The following PITPNM2 variants were observed in gnomAD, a reference collection of about 807,000 sequenced individuals.
PITPNM2 encodes the protein membrane-associated phosphatidylinositol transfer protein 2.
In PITPNM2, 35 loss-of-function variants were observed where a neutral mutation model predicts 132.2. The observed-to-expected ratio is 0.26, with a 90% CI of 0.20 to 0.35. The LOEUF (loss-of-function observed/expected upper bound fraction) is 0.35, where lower values mean the gene tolerates loss of function less well. PITPNM2 is among the 10% of genes least tolerant of loss of function. The pLI is 1.00. For synonymous variants in PITPNM2, 738 were observed against 799.2 expected, an observed-to-expected ratio of 0.92 and a Z score of 1.29; for missense variants, 1,332 against 1,912.0, an observed-to-expected ratio of 0.70 and a Z score of 5.66.
Position 122,997,380 on chromosome 12 carries a change from T to C in PITPNM2, c.1417A>G (p.Ile473Val), listed in dbSNP as rs778079552. 50 of 1,613,268 alleles carry C rather than the reference T, an allele frequency of 3.1e-5. No homozygotes were observed. Among genetic ancestry groups the C allele is most frequent in the Middle Eastern group, 1.6e-4 (1 of 6,070 alleles). ...HYPSALGRLA[I>V]RLVPCPPVCS... ...ACGGGCGGGCAGGGCACCAGGCGGATGGCAAGGCGGCCCAGGGCGCTGGGG... is the reference window on the plus strand; with the variant it reads ...ACGGGCGGGCAGGGCACCAGGCGGACGGCAAGGCGGCCCAGGGCGCTGGGG... The change falls in exon 11 of 26, where the codon ATC becomes GTC. Residue 473 changes from isoleucine to valine, a missense_variant. Around this residue, in one of 6 missense-constraint regions of PITPNM2, gnomAD observed 710 missense variants for 911.5 expected, o/e 0.78. Transcript: ENST00000320201.
chr12:123,123,091 C>T (rs188265090), intron 1 of PITPNM2, among the ~76,000 whole-genome samples: 2 of 152,342 alleles, frequency 1.3e-5, no homozygotes, highest in East Asian at 1.9e-4. Context: ...ATGCCTGCTA[C>T]AGCACTGTTT....
chr12:123,137,493 ACAGCTCATAAAGC>A (rs1220554200), intron 1 of PITPNM2, among the ~76,000 whole-genome samples: 1 of 152,096 alleles, frequency 6.6e-6, no homozygotes, highest in Non-Finnish European at 1.5e-5. Flanking sequence ...AGTGTACTTG[ACAGCTCATAAAGC>A]CACCCTCCCA....
At chr12:123,014,889 A>G (rs957871653) in intron 3 of PITPNM2, among the ~76,000 whole-genome samples, 16 of 152,222 alleles carry the variant, frequency 1.1e-4, no homozygotes, top group African/African-American at 3.9e-4. Context: ...ACAAAATGAC[A>G]CATAGAAATG....
chr12:123,058,117 C>T lies in PITPNM2; in HGVS notation c.-95-23432G>A, dbSNP rs73411082. ...TACGAACCCACGTTCTTCACTTCTT[C>T]TTTTTGGGCATTTTGTCGGAAGGAT... On this transcript the variant is annotated intron_variant, in intron 2 of 25. Coordinates refer to ENST00000320201, the MANE Select transcript of PITPNM2 (RefSeq NM_020845.3). This position sits in a 1 kb window ranked among gnomAD's most constrained non-coding sequence, Gnocchi z 4.0. Among the ~76,000 whole-genome samples, 991 of 152,330 alleles carry T rather than the reference C, an allele frequency of 6.5e-3. 14 individuals carry two copies. Among genetic ancestry groups the T allele is most frequent in the African/African-American group, 0.022 (935 of 41,566 alleles).
intron 2 of PITPNM2, among the ~76,000 whole-genome samples, chr12:123,059,826 G>C (rs1160928724): frequency 6.6e-6 from 1 of 152,158 alleles, no homozygotes; most frequent in Non-Finnish European, 1.5e-5. Flanking sequence ...GGAGGAATGG[G>C]AAGTGACTGC....
chr12:123,103,213 C>G (rs1480167766), intron 2 of PITPNM2, among the ~76,000 whole-genome samples: 1 of 152,210 alleles, frequency 6.6e-6, no homozygotes, highest in African/African-American at 2.4e-5. Context: ...GATCCCTGAT[C>G]TTGGCCATTT....
chr12:123,024,828 G>A (rs965484266), intron 3 of PITPNM2, among the ~76,000 whole-genome samples: 6 of 152,080 alleles, frequency 3.9e-5, no homozygotes, highest in South Asian at 2.1e-4. Context: ...TTCTGGTGAC[G>A]GTTGTACAAC....
Position 123,008,959 on chromosome 12 carries a change from A to G in PITPNM2, c.643+891T>C, listed in dbSNP as rs568272223. ...TGATGCTAAGAACAGGAGGATGTTA[A>G]TTCAGGACAAGGGTGGCTGGGATGG... On this transcript the variant is annotated intron_variant, in intron 6 of 25. Coordinates refer to ENST00000320201, the MANE Select transcript of PITPNM2 (RefSeq NM_020845.3). The surrounding 1 kb of genome is among the most constrained non-coding windows in gnomAD (Gnocchi z 4.1). 9.2e-5 allele frequency among the ~76,000 whole-genome samples: 14 copies of G among 152,308 alleles called. No homozygotes were observed. The highest frequency in any genetic ancestry group is 3.4e-4 in the African/African-American group (14 of 41,558).
intron 5 of PITPNM2, among the ~76,000 whole-genome samples, 157 bp downstream of exon 5, chr12:123,012,456 C>G (rs925523451): frequency 2.6e-5 from 4 of 152,210 alleles, no homozygotes; most frequent in Non-Finnish European, 5.9e-5. Flanking sequence ...CCCTGCCTCC[C>G]CCATGGGCCC....
At chr12:123,084,834 T>A (rs2042066688) in intron 2 of PITPNM2, 1 of 152,232 alleles carries the variant, frequency 6.6e-6, no homozygotes, top group East Asian at 1.9e-4. Flanking sequence ...TCAGAGACCA[T>A]GTGACCTGTC....
intron 1 of PITPNM2, among the ~76,000 whole-genome samples, chr12:123,140,036 C>T (rs1224094828): frequency 6.6e-6 from 1 of 152,176 alleles, no homozygotes; most frequent in Non-Finnish European, 1.5e-5. Context: ...CTGGGACACC[C>T]AGGTCCTGGG....
chr12:123,018,896 G>T (rs1338083930), intron 3 of PITPNM2, among the ~76,000 whole-genome samples: 1 of 147,814 alleles, frequency 6.8e-6, no homozygotes, highest in Non-Finnish European at 1.5e-5. Flanking sequence ...TGATTCTCCT[G>T]CCTCAGCTGA....
chr12:123,072,919 G>A (rs1347440453), intron 2 of PITPNM2, among the ~76,000 whole-genome samples: 1 of 152,232 alleles, frequency 6.6e-6, no homozygotes, highest in Non-Finnish European at 1.5e-5. Context: ...CCAGAATCCG[G>A]AGCCCCAACA....
At chr12:122,996,961 A>G in intron 11 of PITPNM2, 51 bp from the exon 12 acceptor site, 2 of 1,468,148 alleles carry the variant, frequency 1.4e-6, no homozygotes, top group African/African-American at 2.8e-5. Context: ...GCTCAGCCCA[A>G]AGGGCCCCTC....
rs2037878779 is a variant in PITPNM2, at chr12:122,985,044, G to A, written c.*983C>T. ...GTAGAAATTCAGTGGGATTGCCGGG[G>A]CCAGGTGAGGCAAGGAGCCCATGCC... On this transcript the variant is annotated 3_prime_UTR_variant, in exon 26 of 26. Transcript: ENST00000320201. 1 of 152,508 alleles carries A rather than the reference G, an allele frequency of 6.6e-6. No individual in the cohort carries two copies. The highest frequency in any genetic ancestry group is 1.5e-5 in the Non-Finnish European group (1 of 68,064). 9.4% of individuals were successfully genotyped at this position (152,508 alleles called of 1,614,324 possible).
Position 122,986,314 on chromosome 12 carries a change from G to A in PITPNM2, c.3763C>T (p.Leu1255=). 6.3e-7 allele frequency: 1 copy of A among 1,582,134 alleles called. No homozygotes were observed. The highest frequency in any genetic ancestry group is 8.6e-7 in the Non-Finnish European group (1 of 1,166,418). Residue 1255 remains leucine (L), a synonymous_variant, in exon 26 of 26, where the codon CTG becomes TTG. Coordinates refer to ENST00000320201, the MANE Select transcript of PITPNM2 (RefSeq NM_020845.3). Reference sequence around the variant, plus strand: ...GGCCGCGCCCGGTGGCTGTACTTCAGCTGCGCCAGGTGGGCCGCGTAGCCA... The same window carrying A: ...GGCCGCGCCCGGTGGCTGTACTTCAACTGCGCCAGGTGGGCCGCGTAGCCA... ...TDGYAAHLAQ[L]KYSHRARPAR...
At chr12:123,025,746 T>C (rs1475066002) in intron 3 of PITPNM2, among the ~76,000 whole-genome samples, 1 of 152,106 alleles carries the variant, frequency 6.6e-6, no homozygotes, top group Non-Finnish European at 1.5e-5. Context: ...TGGACCAGAT[T>C]TGTAGTGAAA....
chr12:123,013,957 G>C lies in PITPNM2; in HGVS notation c.164C>G (p.Ser55Cys). 6.2e-7 allele frequency: 1 copy of C among 1,614,278 alleles called. No individual in the cohort carries two copies. Among genetic ancestry groups the C allele is most frequent in the Non-Finnish European group, 8.5e-7 (1 of 1,180,052 alleles). Residue 55 changes from serine (S) to cysteine (C), a missense_variant, in exon 4 of 26, where the codon TCT (serine) becomes TGT (cysteine). By Grantham distance (112) the Ser-to-Cys change is moderately radical. Transcript: ENST00000320201. ...ATACACCTTGTGTGTGTACTGCCCAGAGCCGCCTGGGCCATCTGTGTACGG... is the reference window on the plus strand; with the variant it reads ...ATACACCTTGTGTGTGTACTGCCCACAGCCGCCTGGGCCATCTGTGTACGG... ...NRPYTDGPGGSGQYTHKVYHV... is the reference protein window; with the variant it reads ...NRPYTDGPGGCGQYTHKVYHV...
At chr12:123,116,806 T>C (rs2042944726) in intron 1 of PITPNM2, among the ~76,000 whole-genome samples, 1 of 152,062 alleles carries the variant, frequency 6.6e-6, no homozygotes, top group Admixed American at 6.6e-5. Flanking sequence ...GAACGGATGT[T>C]CCAGCCAGCA....
Sources: allele counts gnomAD v4.1 joint callset (sites outside exome capture counted in the v4.1 genomes callset), GRCh38; gene constraint gnomAD v4.1.1; regional missense constraint gnomAD v4.1.1; non-coding constraint Gnocchi (gnomAD v3.1); transcripts MANE v1.5; gene names NCBI Gene and HGNC (gene_info 2026-07-23, HGNC 2026-07-21).